CDH13: variants seen among roughly 807,000 people sequenced by gnomAD.
The protein encoded by CDH13 is cadherin 13.
Under a neutral mutation model 63.8 loss-of-function variants are expected in CDH13, and 24 were observed. That is an observed-to-expected ratio of 0.38 (90% CI 0.27 to 0.53). The LOEUF (loss-of-function observed/expected upper bound fraction) is 0.53, where lower values mean the gene tolerates loss of function less well. Among genes scored for constraint, CDH13 ranks in the 20% least tolerant of loss-of-function variants. The pLI is 0.85. For missense variants in CDH13, 1,049 were observed against 903.1 expected (o/e 1.16, Z -2.07); for synonymous variants, 503 against 355.3 (o/e 1.42, Z -4.67).
intron 5 of CDH13, among the ~76,000 whole-genome samples, chr16:83,332,083 CTA>C (rs996312741): frequency 6.6e-6 from 1 of 152,038 alleles, no homozygotes; most frequent in East Asian, 1.9e-4. Flanking sequence ...CTGTCAAACA[CTA>C]TGAACTTTTT....
intron 4 of CDH13, among the ~76,000 whole-genome samples, chr16:83,187,883 C>G (rs1022294694): frequency 6.6e-6 from 1 of 152,024 alleles, no homozygotes; most frequent in Non-Finnish European, 1.5e-5. Flanking sequence ...AACAGGGAGG[C>G]CCTCAGTGAG....
At chr16:83,566,586 C>T (rs1271038089) in intron 7 of CDH13, among the ~76,000 whole-genome samples, 4 of 152,240 alleles carry the variant, frequency 2.6e-5, no homozygotes, top group South Asian at 2.1e-4. Context: ...TCCCTGGACC[C>T]GCCCAAGCCC....
intron 3 of CDH13, among the ~76,000 whole-genome samples, chr16:83,061,360 T>TA: frequency 6.6e-6 from 1 of 152,220 alleles, no homozygotes; most frequent in East Asian, 1.9e-4. Flanking sequence ...TTGTGTCCCT[T>TA]ACACCATGTG....
intron 10 of CDH13, among the ~76,000 whole-genome samples, chr16:83,733,012 T>C (rs1911186814): frequency 6.6e-6 from 1 of 152,126 alleles, no homozygotes; most frequent in Non-Finnish European, 1.5e-5. Flanking sequence ...TGTGTGAAAA[T>C]TACAACATCA....
chr16:82,703,444 A>G (rs2031218137), intron 1 of CDH13, among the ~76,000 whole-genome samples: 1 of 152,142 alleles, frequency 6.6e-6, no homozygotes, highest in African/African-American at 2.4e-5. Context: ...AGGGATGAAT[A>G]CAGATGGAGG....
intron 1 of CDH13, among the ~76,000 whole-genome samples, chr16:82,683,832 G>T (rs549037665): frequency 1.6e-4 from 25 of 152,292 alleles, no homozygotes; most frequent in African/African-American, 5.5e-4. Flanking sequence ...TCTGGTGATG[G>T]TAGACATTAT....
chr16:83,125,512 C>G lies in CDH13; in HGVS notation c.483+11C>G, dbSNP rs1021197315. On this transcript the variant is annotated intron_variant, in intron 4 of 13. Transcript: ENST00000567109. Reference sequence around the variant, plus strand: ...AGAGATGTTGGCAAGGTAAGTCAGACAAACAGCAAATGACAAAAACATGTT... The same window carrying G: ...AGAGATGTTGGCAAGGTAAGTCAGAGAAACAGCAAATGACAAAAACATGTT... The G allele has an allele frequency of 8.0e-6, 11 of 1,381,804 alleles. No individual in the cohort carries two copies. The highest frequency in any genetic ancestry group is 1.8e-4 in the Middle Eastern group (1 of 5,688). 85.6% of individuals were successfully genotyped at this position (1,381,804 alleles called of 1,614,324 possible).
At chr16:83,746,069 G>A (rs1912552292) in intron 10 of CDH13, among the ~76,000 whole-genome samples, 1 of 152,152 alleles carries the variant, frequency 6.6e-6, no homozygotes, top group African/African-American at 2.4e-5. Context: ...ATCTGTAAGT[G>A]GGGATATTAT....
intron 2 of CDH13, among the ~76,000 whole-genome samples, chr16:82,921,613 A>G (rs951146151): frequency 6.6e-6 from 1 of 152,204 alleles, no homozygotes; most frequent in Non-Finnish European, 1.5e-5. Context: ...GGGACCCATT[A>G]TCAGTCTACT....
At chr16:83,775,522 A>C (rs541285506) in intron 11 of CDH13, among the ~76,000 whole-genome samples, 1 of 152,238 alleles carries the variant, frequency 6.6e-6, no homozygotes, top group East Asian at 1.9e-4. Context: ...TACCATGAGA[A>C]CATGGCCCCT....
At chr16:83,562,382 A>G (rs1170738041) in intron 7 of CDH13, among the ~76,000 whole-genome samples, 1 of 152,230 alleles carries the variant, frequency 6.6e-6, no homozygotes. Flanking sequence ...AAACAGCACC[A>G]ACTTCTTTTC....
intron 5 of CDH13, among the ~76,000 whole-genome samples, chr16:83,274,311 G>A (rs2151849448): frequency 6.6e-6 from 1 of 152,282 alleles, no homozygotes; most frequent in South Asian, 2.1e-4. Flanking sequence ...AGGGTTTGTG[G>A]ATCAGAGACC....
chr16:82,841,131 C>G (rs1237058420), intron 1 of CDH13, among the ~76,000 whole-genome samples: 1 of 152,308 alleles, frequency 6.6e-6, no homozygotes, highest in South Asian at 2.1e-4. Flanking sequence ...GTCAACCTTA[C>G]CATCCACGGA....
intron 1 of CDH13, chr16:82,823,591 A>G (rs1186023650): frequency 6.6e-6 from 1 of 152,258 alleles, no homozygotes; most frequent in Non-Finnish European, 1.5e-5. Context: ...GACTCTGTCC[A>G]TTAAAGACAA....
At chr16:83,620,657 C>A (rs1018361782) in intron 8 of CDH13, among the ~76,000 whole-genome samples, 5 of 152,184 alleles carry the variant, frequency 3.3e-5, no homozygotes, top group African/African-American at 1.2e-4. Flanking sequence ...TCACCTAATA[C>A]TTGCACCGTC....
chr16:83,684,373 C>T (rs571422926), intron 10 of CDH13, among the ~76,000 whole-genome samples: 11 of 149,958 alleles, frequency 7.3e-5, no homozygotes, highest in African/African-American at 9.8e-5. Context: ...GTGACTCCAT[C>T]ACAAAAAAAA....
At chr16:82,711,977 A>C (rs1223764731) in intron 1 of CDH13, among the ~76,000 whole-genome samples, 1 of 152,208 alleles carries the variant, frequency 6.6e-6, no homozygotes, top group Non-Finnish European at 1.5e-5. Context: ...TTTTGAGGCT[A>C]GGTGATCTCA....
chr16:83,375,758 GA>G, intron 6 of CDH13, among the ~76,000 whole-genome samples: 1 of 152,270 alleles, frequency 6.6e-6, no homozygotes, highest in South Asian at 2.1e-4. Context: ...GATAGCATGA[GA>G]AGCTTGTTGC....
chr16:82,878,126 C>G (rs1053562822), intron 2 of CDH13, among the ~76,000 whole-genome samples: 1 of 152,008 alleles, frequency 6.6e-6, no homozygotes, highest in Admixed American at 6.6e-5. Context: ...ATTGTCTGAG[C>G]CCCAAGGAAA....
Sources: allele counts gnomAD v4.1 joint callset (sites outside exome capture counted in the v4.1 genomes callset), GRCh38; gene constraint gnomAD v4.1.1; transcripts MANE v1.5; gene names NCBI Gene and HGNC (gene_info 2026-07-23, HGNC 2026-07-21).